LRFN2: variants seen among roughly 807,000 people sequenced by gnomAD.
LRFN2 encodes leucine-rich repeat and fibronectin type-III domain-containing protein 2.
LRFN2 carries 18 observed loss-of-function variants against 37.3 expected under a neutral mutation model. The observed-to-expected ratio is 0.48, with a 90% CI of 0.33 to 0.72. LRFN2 has a LOEUF of 0.72. Among genes scored for constraint, LRFN2 ranks in the 30% least tolerant of loss-of-function variants. LRFN2 has a pLI of 0.02. For missense variants in LRFN2, 1,006 were observed against 1,060.7 expected (o/e 0.95, Z 0.72); for synonymous variants, 556 against 466.6 (o/e 1.19, Z -2.47).
chr6:40,481,691 G>C (rs577716584), intron 1 of LRFN2, among the ~76,000 whole-genome samples: 2 of 152,256 alleles, frequency 1.3e-5, no homozygotes, highest in African/African-American at 4.8e-5. Context: ...GGGCTCGCCT[G>C]TCCCTTCCAG....
intron 1 of LRFN2, among the ~76,000 whole-genome samples, chr6:40,577,615 G>C (rs1475157893): frequency 1.8e-5 from 2 of 113,174 alleles, no homozygotes; most frequent in African/African-American, 7.4e-5. Context: ...CCCGGAGTGT[G>C]ATATTCCCCT....
In LRFN2 at chr6:40,478,882, T is replaced by C. The variant is rs143047686; in HGVS notation, c.-18-45751A>G. ...TTTGGCTATCCAGCTGATCACATGGTAGGTTTCAACAAATAAACTAAAGAA... is the reference window on the plus strand; with the variant it reads ...TTTGGCTATCCAGCTGATCACATGGCAGGTTTCAACAAATAAACTAAAGAA... On this transcript the variant is annotated intron_variant, in intron 1 of 2. Coordinates refer to ENST00000338305, the MANE Select transcript of LRFN2 (RefSeq NM_020737.3). 1.7e-4 allele frequency among the ~76,000 whole-genome samples: 26 copies of C among 152,342 alleles called. No homozygotes were observed. In the East Asian group the frequency reaches 4.8e-3, roughly 28 times the overall value.
At position 40,529,422 on chromosome 6, in the gene LRFN2, A is replaced by C. The variant is rs899728335; in HGVS notation, c.-19+57519T>G. 3.3e-5 allele frequency among the ~76,000 whole-genome samples: 5 copies of C among 152,238 alleles called. No individual in the cohort carries two copies. In the East Asian group the frequency reaches 7.7e-4, roughly 23 times the overall value. ...CTTAAATTTGTGGACCAAACTGCCT[A>C]CCATGCTATCCACACTGTTTCCTGC... On this transcript the variant is annotated intron_variant, in intron 1 of 2. Transcript: ENST00000338305.
chr6:40,432,996 A>T lies in LRFN2; in HGVS notation c.118T>A (p.Ser40Thr), dbSNP rs764810551. The T allele has an allele frequency of 6.2e-7, 1 of 1,610,336 alleles. No individual in the cohort carries two copies. The highest frequency in any genetic ancestry group is 1.1e-5 in the South Asian group (1 of 90,602). Residue 40 changes from serine to threonine, a missense_variant, in exon 2 of 3, where the codon TCC becomes ACC. By Grantham distance (58) the Ser-to-Thr change is moderately conservative. Transcript: ENST00000338305. ...LSESLGTLCP[S>T]KGLLFVPPDI... ...GGGGGTACAAAGAGCAGCCCCTTGG[A>T]GGGGCACAGGGTCCCCAGTGACTCA... is the stretch of plus-strand genomic sequence containing the variant.
At chr6:40,451,304 C>A (rs1764099838) in intron 1 of LRFN2, among the ~76,000 whole-genome samples, 3 of 152,122 alleles carry the variant, frequency 2.0e-5, no homozygotes, top group South Asian at 2.1e-4. Context: ...AGAAGTGGGG[C>A]CTCACTGAAT....
At chr6:40,487,541 A>T (rs541841809) in intron 1 of LRFN2, among the ~76,000 whole-genome samples, 67 of 152,248 alleles carry the variant, frequency 4.4e-4, no homozygotes, top group Non-Finnish European at 4.0e-4. Flanking sequence ...ATCCCGAAAA[A>T]GTCGGCAGAT....
chr6:40,408,796 A>G (rs1762901689), intron 2 of LRFN2, among the ~76,000 whole-genome samples: 1 of 152,254 alleles, frequency 6.6e-6, no homozygotes, highest in Non-Finnish European at 1.5e-5. Flanking sequence ...TTCAATGCCA[A>G]TGGTGAAGTC....
chr6:40,522,141 G>A (rs1039311810), intron 1 of LRFN2, among the ~76,000 whole-genome samples: 1 of 152,184 alleles, frequency 6.6e-6, no homozygotes, highest in Admixed American at 6.5e-5. Flanking sequence ...CTGGGAAGAG[G>A]TGGCAGGGAG....
In LRFN2 at chr6:40,432,424, G is replaced by T. The variant is rs761985874; in HGVS notation, c.690C>A (p.Pro230=). Residue 230 remains proline, a synonymous_variant, in exon 2 of 3, where the codon CCC becomes CCA. Transcript: ENST00000338305. ...AACTAAAGGACAAGGGTGGGGCAAA[G>T]GGTGTGGCTGTCAAAGCCGAAGCCT... ...RSQASALTAT[P]FAPPLSFSFG... 3 of 1,614,212 alleles carry T rather than the reference G, an allele frequency of 1.9e-6. No homozygotes were observed. The South Asian group carries it at 3.3e-5, about 18-fold the overall frequency.
chr6:40,441,419 G>A (rs1365404375), intron 1 of LRFN2, among the ~76,000 whole-genome samples: 1 of 152,134 alleles, frequency 6.6e-6, no homozygotes, highest in Non-Finnish European at 1.5e-5. Context: ...ATGGAGGTGA[G>A]TGAACGGGTG....
intron 2 of LRFN2, among the ~76,000 whole-genome samples, chr6:40,395,480 C>T (rs1377065829): frequency 6.6e-6 from 1 of 152,182 alleles, no homozygotes; most frequent in East Asian, 1.9e-4. Flanking sequence ...CCTGCTAGGC[C>T]ATCTGCTGGG....
intron 1 of LRFN2, among the ~76,000 whole-genome samples, chr6:40,473,759 G>A (rs1002807117): frequency 1.3e-5 from 2 of 151,724 alleles, no homozygotes; most frequent in African/African-American, 2.4e-5. Context: ...AACAAGCCTC[G>A]GCGTATGATG....
At chr6:40,441,505 G>A (rs529173124) in intron 1 of LRFN2, among the ~76,000 whole-genome samples, 27 of 152,294 alleles carry the variant, frequency 1.8e-4, no homozygotes, top group African/African-American at 5.3e-4. Context: ...GAGTGAGTCT[G>A]CCTGAGGAAG....
chr6:40,499,342 T>A (rs957908431), intron 1 of LRFN2, among the ~76,000 whole-genome samples: 3 of 152,054 alleles, frequency 2.0e-5, no homozygotes, highest in African/African-American at 7.2e-5. Context: ...TGGCCGGGGA[T>A]TTTTGCTGAG....
intron 1 of LRFN2, among the ~76,000 whole-genome samples, chr6:40,570,625 T>A (rs1017444558): frequency 1.6e-4 from 25 of 152,022 alleles, no homozygotes; most frequent in South Asian, 2.1e-4. Flanking sequence ...AAGGAACACA[T>A]GGGGCCGGGG....
At position 40,405,537 on chromosome 6, in the gene LRFN2, G is replaced by A. The variant is rs551078969; in HGVS notation, c.1401-12625C>T. ...ATGAGGGTCTGTTACATAAAGGAGT[G>A]GGCCATGCTTAACCCATGTAACCCC... On this transcript the variant is annotated intron_variant, in intron 2 of 2. Coordinates refer to ENST00000338305, the MANE Select transcript of LRFN2 (RefSeq NM_020737.3). 2.6e-5 allele frequency among the ~76,000 whole-genome samples: 4 copies of A among 152,220 alleles called. No homozygotes were observed. In the South Asian group the frequency reaches 6.2e-4, roughly 24 times the overall value.
chr6:40,459,731 C>T (rs562193036), intron 1 of LRFN2, among the ~76,000 whole-genome samples: 15 of 152,328 alleles, frequency 9.8e-5, no homozygotes, highest in African/African-American at 3.6e-4. Context: ...GCACTATGTG[C>T]CTTCTGGATG....
chr6:40,395,836 C>T (rs537463938), intron 2 of LRFN2, among the ~76,000 whole-genome samples: 15 of 152,196 alleles, frequency 9.9e-5, no homozygotes, highest in Non-Finnish European at 1.5e-4. Context: ...CTCTGAATCA[C>T]GGCATTCCAC....
chr6:40,552,100 T>C (rs1766788019), intron 1 of LRFN2, among the ~76,000 whole-genome samples: 1 of 152,314 alleles, frequency 6.6e-6, no homozygotes, highest in South Asian at 2.1e-4. Flanking sequence ...TCTAACACCG[T>C]GGTTCTCAAA....
Sources: gnomAD v4.1 joint callset for allele counts (sites outside exome capture counted in the v4.1 genomes callset) on GRCh38, gnomAD v4.1.1 for gene constraint, MANE v1.5 for transcripts, NCBI Gene and HGNC (gene_info 2026-07-23, HGNC 2026-07-21) for gene names.